Variants in MPPED1 observed in about 807,000 individuals in gnomAD.
MPPED1 encodes the protein metallophosphoesterase domain containing 1.
In MPPED1, 16 loss-of-function variants were observed where a neutral mutation model predicts 36.2. The ratio of observed to expected loss-of-function variants is 0.44; its 90% CI spans 0.30 to 0.67. The LOEUF (loss-of-function observed/expected upper bound fraction) is 0.67. Ranked by LOEUF, MPPED1 falls within the 30% of genes least tolerant of loss-of-function variation. MPPED1 has a pLI of 0.10. For missense variants in MPPED1, 307 were observed against 453.4 expected (o/e 0.68, Z 2.93); for synonymous variants, 199 against 191.3 (o/e 1.04, Z -0.33).
chr22:43,500,687 G>A lies in MPPED1; in HGVS notation c.749-1957G>A, dbSNP rs114163768. 2.9e-3 allele frequency among the ~76,000 whole-genome samples: 434 copies of A among 152,122 alleles called. 2 individuals carry two copies. Among genetic ancestry groups the A allele is most frequent in the African/African-American group, 0.01 (418 of 41,466 alleles). ...ATCACTCCCTCAGTGCTTGGGACCAGCCCCTGTGCTGGGTGACACTGGTCC... is the reference window on the plus strand; with the variant it reads ...ATCACTCCCTCAGTGCTTGGGACCAACCCCTGTGCTGGGTGACACTGGTCC... On this transcript the variant is annotated intron_variant, in intron 5 of 6. Coordinates refer to ENST00000443721, the MANE Select transcript of MPPED1 (RefSeq NM_001044370.2).
intron 3 of MPPED1, among the ~76,000 whole-genome samples, chr22:43,449,936 A>G (rs1930504123): frequency 6.6e-6 from 1 of 152,244 alleles, no homozygotes; most frequent in South Asian, 2.1e-4. Flanking sequence ...TTCTAGAAGC[A>G]GAAAGGCAGT....
At chr22:43,445,371 G>A (rs976442577) in intron 3 of MPPED1, among the ~76,000 whole-genome samples, 3 of 151,680 alleles carry the variant, frequency 2.0e-5, no homozygotes, top group Non-Finnish European at 4.4e-5. Context: ...CGCCTCTACT[G>A]GTTTGGAAAT....
At chr22:43,480,925 G>A (rs1186958429) in intron 4 of MPPED1, among the ~76,000 whole-genome samples, 1 of 151,236 alleles carries the variant, frequency 6.6e-6, no homozygotes, top group Non-Finnish European at 1.5e-5. Context: ...CTGGGTTTAA[G>A]TGATTCTCCT....
At chr22:43,476,307 T>A (rs866413940) in intron 4 of MPPED1, among the ~76,000 whole-genome samples, 12 of 152,184 alleles carry the variant, frequency 7.9e-5, no homozygotes, top group Middle Eastern at 3.4e-3. Context: ...TCACATATGC[T>A]TAAAAGTGTG....
At chr22:43,463,823 C>CTT (rs1200953802) in intron 3 of MPPED1, among the ~76,000 whole-genome samples, 3 of 77,868 alleles carry the variant, frequency 3.9e-5, no homozygotes, top group Admixed American at 2.9e-4. Flanking sequence ...TTCTTTCTTT[C>CTT]TTTCTTTCTT....
At chr22:43,457,105 GGTATCAAAGCCT>G (rs1371585165) in intron 3 of MPPED1, among the ~76,000 whole-genome samples, 1 of 152,058 alleles carries the variant, frequency 6.6e-6, no homozygotes, top group African/African-American at 2.4e-5. Flanking sequence ...GTCTGGTTTT[GGTATCAAAGCCT>G]CCTAGACTGA....
intron 3 of MPPED1, among the ~76,000 whole-genome samples, chr22:43,453,831 G>A (rs1404377415): frequency 6.6e-6 from 1 of 152,102 alleles, no homozygotes; most frequent in Admixed American, 6.6e-5. Flanking sequence ...TTTTAAAAGT[G>A]TATAGTTCAG....
intron 4 of MPPED1, among the ~76,000 whole-genome samples, chr22:43,480,295 G>C (rs185073427): frequency 6.6e-6 from 1 of 152,162 alleles, no homozygotes. Context: ...GCCTGTGACT[G>C]TTGGCATCCT....
intron 4 of MPPED1, among the ~76,000 whole-genome samples, chr22:43,478,210 C>T (rs952063750): frequency 5.9e-5 from 9 of 152,336 alleles, no homozygotes; most frequent in South Asian, 2.1e-4. Context: ...GAACGTATCC[C>T]GTGTGGCAGG....
intron 4 of MPPED1, among the ~76,000 whole-genome samples, chr22:43,491,944 T>G (rs1281908996): frequency 6.7e-6 from 1 of 149,952 alleles, no homozygotes; most frequent in Admixed American, 6.6e-5. Context: ...GTGGTCATGA[T>G]GGAGGCGGTG....
intron 4 of MPPED1, among the ~76,000 whole-genome samples, chr22:43,478,723 G>A (rs1250313489): frequency 2.0e-5 from 3 of 152,224 alleles, no homozygotes; most frequent in East Asian, 1.9e-4. Context: ...GTTTGGTGCC[G>A]CCAGAACCCA....
intron 4 of MPPED1, among the ~76,000 whole-genome samples, chr22:43,476,991 T>G (rs1340147449): frequency 6.6e-6 from 1 of 150,802 alleles, no homozygotes; most frequent in Non-Finnish European, 1.5e-5. Context: ...TGCCAGGGAG[T>G]GGGAGAAGCC....
intron 3 of MPPED1, among the ~76,000 whole-genome samples, chr22:43,460,514 C>T (rs1037321394): frequency 1.3e-5 from 2 of 151,998 alleles, no homozygotes; most frequent in African/African-American, 4.8e-5. Context: ...TTTTAAATAA[C>T]ATAATTTGCT....
At chr22:43,458,452 A>ATTTTTATATTTTTAGTAGAGACGG (rs1434920464) in intron 3 of MPPED1, among the ~76,000 whole-genome samples, 22 of 151,786 alleles carry the variant, frequency 1.4e-4, no homozygotes, top group African/African-American at 5.1e-4. Context: ...CACCCGGCTA[A>ATTTTTATATTTTTAGTAGAGACGG]TTTTTATATT....
chr22:43,439,641 G>T (rs1261950122), intron 3 of MPPED1, among the ~76,000 whole-genome samples: 1 of 152,214 alleles, frequency 6.6e-6, no homozygotes, highest in African/African-American at 2.4e-5. Context: ...TGTGGGGAAG[G>T]GTTGATGAAT....
At chr22:43,473,681 G>C (rs1405416183) in intron 3 of MPPED1, among the ~76,000 whole-genome samples, 2 of 152,200 alleles carry the variant, frequency 1.3e-5, no homozygotes, top group Non-Finnish European at 2.9e-5. Context: ...CCCAAGCCTG[G>C]GGTCAGGCTG....
intron 3 of MPPED1, among the ~76,000 whole-genome samples, chr22:43,465,352 T>A (rs1244018144): frequency 1.3e-5 from 2 of 152,226 alleles, no homozygotes; most frequent in African/African-American, 4.8e-5. Context: ...GGCCAGCTAT[T>A]TGGCCTCTGG....
chr22:43,477,896 GGGTTGTGA>G, intron 4 of MPPED1, among the ~76,000 whole-genome samples: 1 of 152,218 alleles, frequency 6.6e-6, no homozygotes. Context: ...CCTTGTTGGG[GGGTTGTGA>G]GGTCTGCTTG....
chr22:43,467,910 A>G (rs1361885631), intron 3 of MPPED1, among the ~76,000 whole-genome samples: 2 of 152,214 alleles, frequency 1.3e-5, no homozygotes, highest in African/African-American at 4.8e-5. Flanking sequence ...TGGAGGCAGC[A>G]CTTTCTGTTA....
Sources: allele counts gnomAD v4.1 joint callset (sites outside exome capture counted in the v4.1 genomes callset), GRCh38; gene constraint gnomAD v4.1.1; transcripts MANE v1.5; gene names NCBI Gene and HGNC (gene_info 2026-07-23, HGNC 2026-07-21).